BRINP3: variants seen among roughly 807,000 people sequenced by gnomAD.
BRINP3 encodes the protein BMP/retinoic acid inducible neural specific 3.
In BRINP3, 19 loss-of-function variants were observed where a neutral mutation model predicts 71.0. That is an observed-to-expected ratio of 0.27 (90% confidence interval 0.19 to 0.39). The LOEUF (loss-of-function observed/expected upper bound fraction) is 0.39. BRINP3 is among the 10% of genes least tolerant of loss of function. The pLI is 1.00. For missense variants in BRINP3, 959 were observed against 940.8 expected, an observed-to-expected ratio of 1.02 and a Z score of -0.25; for synonymous variants, 380 against 337.7, an observed-to-expected ratio of 1.13 and a Z score of -1.37.
Position 190,385,673 on chromosome 1 carries a change from C to T in BRINP3, c.236+68982G>A, listed in dbSNP as rs1335664212. On this transcript the variant is annotated intron_variant, in intron 2 of 7. Transcript: ENST00000367462. ...TCAACCATTGTGGAAGTCAGTGTGG[C>T]GATTCCTCAGGGATCTAGAACTAGA... Among the ~76,000 whole-genome samples, 8 of 152,012 alleles carry T rather than the reference C, an allele frequency of 5.3e-5. No individual in the cohort carries two copies. The Middle Eastern group carries it at 0.01, about 194-fold the overall frequency.
chr1:190,377,739 A>G (rs868280836), intron 2 of BRINP3, among the ~76,000 whole-genome samples: 57 of 151,856 alleles, frequency 3.8e-4, no homozygotes, highest in African/African-American at 1.3e-3. Context: ...TACAGTAGCA[A>G]TGAAAAATCT....
rs542706306 is a variant in BRINP3, at chr1:190,477,795, G to A, written c.-398C>T. The A allele has an allele frequency of 3.9e-5, 6 of 152,374 alleles. No individual in the cohort carries two copies. In the East Asian group the frequency reaches 1.2e-3, roughly 29 times the overall value. 9.4% of individuals were successfully genotyped at this position (152,374 alleles called of 1,614,324 possible). A position where few individuals can be genotyped will look rare whatever the true frequency, so the allele number is the denominator to read the frequency against. ...GTGTAACCCCAGAGAACAGGAGGTG[G>A]AATACAGATAAATCTGCAAAGAGAA... is the stretch of plus-strand genomic sequence containing the variant. On this transcript the variant is annotated 5_prime_UTR_variant, in exon 1 of 8. Transcript: ENST00000367462.
At chr1:190,273,907 C>T (rs1044392524) in intron 3 of BRINP3, among the ~76,000 whole-genome samples, 1 of 151,588 alleles carries the variant, frequency 6.6e-6, no homozygotes, top group African/African-American at 2.4e-5. Flanking sequence ...ACAACACCAT[C>T]ATAAATGCAA....
At chr1:190,384,503 A>C (rs1476760236) in intron 2 of BRINP3, among the ~76,000 whole-genome samples, 1 of 151,876 alleles carries the variant, frequency 6.6e-6, no homozygotes, top group Non-Finnish European at 1.5e-5. Flanking sequence ...GAAAACTATA[A>C]ATATTAATAA....
In BRINP3 at chr1:190,218,367, T is replaced by C. The variant is rs528037466; in HGVS notation, c.961+7715A>G. 9.2e-4 allele frequency among the ~76,000 whole-genome samples: 140 copies of C among 152,216 alleles called. 1 individual carries two copies. Among genetic ancestry groups the C allele is most frequent in the Non-Finnish European group, 1.5e-3 (101 of 67,984 alleles). ...ATTTATTCATATTTTGGATAGTCCA[T>C]TCCTTCAAGCTTTATACAATTCCAT... On this transcript the variant is annotated intron_variant, in intron 6 of 7. Coordinates refer to ENST00000367462, the MANE Select transcript of BRINP3 (RefSeq NM_199051.3).
At chr1:190,379,615 G>A (rs935467702) in intron 2 of BRINP3, among the ~76,000 whole-genome samples, 3 of 152,030 alleles carry the variant, frequency 2.0e-5, no homozygotes, top group Admixed American at 6.6e-5. Flanking sequence ...GAAGATCAAG[G>A]TAGCTAGGGG....
chr1:190,205,471 G>A lies in BRINP3; in HGVS notation c.961+20611C>T, dbSNP rs72729162. ...TGTTTTAAAACTCATGATCTCCTGA[G>A]GTCATTAGTTATCTAACCTGCTCTA... On this transcript the variant is annotated intron_variant, in intron 6 of 7. Coordinates refer to ENST00000367462, the MANE Select transcript of BRINP3 (RefSeq NM_199051.3). Among the ~76,000 whole-genome samples the A allele has an allele frequency of 1.2e-3, 187 of 152,158 alleles. 1 individual carries two copies. The highest frequency in any genetic ancestry group is 2.3e-3 in the Non-Finnish European group (153 of 67,998).
intron 6 of BRINP3, among the ~76,000 whole-genome samples, chr1:190,167,881 G>T (rs1420275005): frequency 1.3e-5 from 2 of 152,080 alleles, no homozygotes; most frequent in Non-Finnish European, 2.9e-5. Flanking sequence ...TTTTTTATTG[G>T]AGGAAAAAGC....
intron 4 of BRINP3, among the ~76,000 whole-genome samples, chr1:190,261,278 C>T (rs12070699): frequency 0.57 from 86,313 of 151,520 alleles, 24,805 homozygotes; most frequent in Admixed American, 0.69. Context: ...AATTGAGTCT[C>T]GGTAGAAAAT....
chr1:190,443,138 C>A (rs1480782294), intron 2 of BRINP3, among the ~76,000 whole-genome samples: 20 of 151,778 alleles, frequency 1.3e-4, no homozygotes, highest in South Asian at 2.1e-4. Context: ...ATATCAAACT[C>A]CTGACCTCAC....
At chr1:190,181,063 C>T (rs12097847) in intron 6 of BRINP3, among the ~76,000 whole-genome samples, 3,195 of 152,126 alleles carry the variant, frequency 0.021, 105 homozygotes, top group African/African-American at 0.073. Context: ...CCTCCACTTC[C>T]AACTGTACCT....
intron 7 of BRINP3, among the ~76,000 whole-genome samples, chr1:190,156,009 T>C (rs1048212390): frequency 3.3e-5 from 5 of 152,114 alleles, no homozygotes; most frequent in African/African-American, 1.2e-4. Flanking sequence ...TAGTAAGCCA[T>C]TGTTACATAG....
At chr1:190,174,360 G>GA (rs1571909631) in intron 6 of BRINP3, among the ~76,000 whole-genome samples, 1 of 151,874 alleles carries the variant, frequency 6.6e-6, no homozygotes, top group Non-Finnish European at 1.5e-5. Flanking sequence ...AGGATGGATA[G>GA]AAAAAATATA....
Position 190,281,664 on chromosome 1 carries a change from A to G in BRINP3, c.323T>C (p.Phe108Ser). ...GSPLPLAPEF[F>S]RNIRLLGRRP... ...ACGTCCCAAAAGTCTTATGTTGCGG[A>G]AGAATTCAGGGGCAAGAGGCAGAGG... is the stretch of plus-strand genomic sequence containing the variant. The change falls in exon 3 of 8, where the codon TTC (phenylalanine) becomes TCC (serine). Residue 108 changes from phenylalanine to serine, a missense_variant. Phe to Ser is a radical substitution (Grantham distance 155). Transcript: ENST00000367462. 1 of 1,613,044 alleles carries G rather than the reference A, an allele frequency of 6.2e-7. No individual in the cohort carries two copies. The highest frequency in any genetic ancestry group is 8.5e-7 in the Non-Finnish European group (1 of 1,179,382).
At chr1:190,370,332 A>G (rs1268891669) in intron 2 of BRINP3, among the ~76,000 whole-genome samples, 1 of 152,174 alleles carries the variant, frequency 6.6e-6, no homozygotes, top group Admixed American at 6.5e-5. Context: ...AACCAATTTA[A>G]CAAGTCTATA....
chr1:190,117,532 T>G (rs1571745430), intron 7 of BRINP3, among the ~76,000 whole-genome samples: 1 of 151,172 alleles, frequency 6.6e-6, no homozygotes, highest in Non-Finnish European at 1.5e-5. Flanking sequence ...CCAATTCCCA[T>G]TTTTTTGTTA....
At chr1:190,333,782 AAC>A (rs1667112812) in intron 2 of BRINP3, among the ~76,000 whole-genome samples, 1 of 151,946 alleles carries the variant, frequency 6.6e-6, no homozygotes, top group African/African-American at 2.4e-5. Context: ...AATTTCTTGT[AAC>A]AGAGCCCAAT....
intron 2 of BRINP3, among the ~76,000 whole-genome samples, chr1:190,430,960 T>C (rs1674059381): frequency 6.6e-6 from 1 of 152,102 alleles, no homozygotes; most frequent in Non-Finnish European, 1.5e-5. Context: ...ATAAAGTGTT[T>C]TTTTTTTACT....
chr1:190,251,967 A>G (rs1660188800), intron 4 of BRINP3, among the ~76,000 whole-genome samples: 1 of 151,558 alleles, frequency 6.6e-6, no homozygotes, highest in Admixed American at 6.6e-5. Flanking sequence ...TGATTTTGAA[A>G]ACATTGAGTT....
Sources: gnomAD v4.1 joint callset for allele counts (sites outside exome capture counted in the v4.1 genomes callset) on GRCh38, gnomAD v4.1.1 for gene constraint, MANE v1.5 for transcripts, NCBI Gene and HGNC (gene_info 2026-07-23, HGNC 2026-07-21) for gene names.